The following DCST1 variants were observed in gnomAD, a reference collection of about 807,000 sequenced individuals.
DCST1 encodes E3 ubiquitin-protein ligase DCST1.
A neutral mutation model predicts 89.1 loss-of-function variants in DCST1; 78 were observed. The ratio of observed to expected loss-of-function variants is 0.88; its 90% CI spans 0.73 to 1.06. DCST1 has a LOEUF of 1.06. Ranked by LOEUF, DCST1 falls within the 50% of genes least tolerant of loss-of-function variation. DCST1 has a pLI of 0.00. For missense variants in DCST1, 900 were observed against 928.6 expected (o/e 0.97, Z 0.40); for synonymous variants, 364 against 371.9 (o/e 0.98, Z 0.24).
chr1:155,043,225 C>T, intron 9 of DCST1, 127 bp from the exon 10 acceptor site: 1 of 1,386,796 alleles, frequency 7.2e-7, no homozygotes, highest in South Asian at 1.3e-5. Flanking sequence ...GAAGTGACAA[C>T]TCCTAGAGGT....
chr1:155,043,423 C>G lies in DCST1; in HGVS notation c.1086C>G (p.Tyr362Ter). The change falls in exon 10 of 17, where the codon TAC becomes TAG. Residue 362 changes from tyrosine to a stop codon, truncating the protein, a stop_gained. Transcript: ENST00000295542. LOFTEE classifies it high-confidence loss of function. The part of the protein sequence containing the change: ...WERVSTEVRD[Y>*]VYRQEARLEW... ...GCGTGAGCACCGAGGTGCGGGACTACGTGTACCGCCAGGAGGCCCGGCTGG... is the reference window on the plus strand; with the variant it reads ...GCGTGAGCACCGAGGTGCGGGACTAGGTGTACCGCCAGGAGGCCCGGCTGG... 6.2e-7 allele frequency: 1 copy of G among 1,611,472 alleles called. No homozygotes were observed. Among genetic ancestry groups the G allele is most frequent in the Non-Finnish European group, 8.5e-7 (1 of 1,178,332 alleles).
intron 4 of DCST1, among the ~76,000 whole-genome samples, chr1:155,036,746 C>G (rs1465347122): frequency 6.6e-6 from 1 of 152,256 alleles, no homozygotes; most frequent in Non-Finnish European, 1.5e-5. Context: ...TGATTATTGT[C>G]CCCTTGGAGG....
chr1:155,037,484 C>A (rs371156030), intron 4 of DCST1, among the ~76,000 whole-genome samples: 1 of 150,654 alleles, frequency 6.6e-6, no homozygotes. Context: ...TGCTCTGTCC[C>A]CCAGGCTGGA....
rs1660687605 is a variant in DCST1, at chr1:155,047,397, C to CT, written c.1612+86dup. The CT allele has an allele frequency of 5.5e-6, 7 of 1,269,928 alleles. No individual in the cohort carries two copies. The African/African-American group carries it at 8.9e-5, about 16-fold the overall frequency. 78.7% of individuals were successfully genotyped at this position (1,269,928 alleles called of 1,614,324 possible). A position where few individuals can be genotyped will look rare whatever the true frequency, so the allele number is the denominator to read the frequency against. ...GACTCCAAGGTAAAGAGTTAGGGGCCTGGGCCTTGGGTGTGGAGAGATGGG... is the reference window on the plus strand; with the variant it reads ...GACTCCAAGGTAAAGAGTTAGGGGCCTTGGGCCTTGGGTGTGGAGAGATGGG... On this transcript the variant is annotated intron_variant, in intron 14 of 16. Transcript: ENST00000295542.
chr1:155,036,350 T>C (rs1458193028), intron 4 of DCST1, among the ~76,000 whole-genome samples: 1 of 152,230 alleles, frequency 6.6e-6, no homozygotes, highest in Non-Finnish European at 1.5e-5. Context: ...CTTAGATTTC[T>C]GGTTGTATTT....
intron 13 of DCST1, among the ~76,000 whole-genome samples, chr1:155,046,876 G>C (rs1199306248): frequency 3.9e-5 from 6 of 152,114 alleles, no homozygotes; most frequent in Non-Finnish European, 7.3e-5. Flanking sequence ...AAAGTGCTGG[G>C]ATTACAGGTG....
At chr1:155,039,346 G>C in intron 4 of DCST1, 57 bp from the exon 5 acceptor site, 1 of 1,463,864 alleles carries the variant, frequency 6.8e-7, no homozygotes, top group Non-Finnish European at 9.1e-7. Flanking sequence ...TGGTAAACGT[G>C]AGGAAGGGAG....
At chr1:155,040,218 G>A (rs963859747) in intron 5 of DCST1, among the ~76,000 whole-genome samples, 14 of 146,976 alleles carry the variant, frequency 9.5e-5, no homozygotes, top group Admixed American at 2.1e-4. Flanking sequence ...CAGGAGAATC[G>A]CTTGAGCCCG....
rs1240516179 is a variant in DCST1, at chr1:155,040,521, T to C, written c.428T>C (p.Val143Ala). ...VANLRHNLNN[V>A]IASLGCTVEL... ...AATCTGCGACACAATCTCAACAACGTGATCGCATCGCTGGGCTGCACCGTG... is the reference window on the plus strand; with the variant it reads ...AATCTGCGACACAATCTCAACAACGCGATCGCATCGCTGGGCTGCACCGTG... Residue 143 changes from valine (V) to alanine (A), a missense_variant, in exon 6 of 17, where the codon GTG (valine) becomes GCG (alanine). Coordinates refer to ENST00000295542, the MANE Select transcript of DCST1 (RefSeq NM_152494.4). 8.1e-6 allele frequency: 13 copies of C among 1,596,520 alleles called. No individual in the cohort carries two copies. The highest frequency in any genetic ancestry group is 1.1e-5 in the Non-Finnish European group (13 of 1,170,722).
intron 4 of DCST1, among the ~76,000 whole-genome samples, chr1:155,037,163 A>G (rs1422073848): frequency 6.6e-6 from 1 of 152,032 alleles, no homozygotes; most frequent in Admixed American, 6.5e-5. Flanking sequence ...AGGTCTACAG[A>G]GGCATTACAG....
In DCST1 at chr1:155,045,880, C is replaced by A. The variant is rs1242278229; in HGVS notation, c.1173-13C>A. 6.2e-7 allele frequency: 1 copy of A among 1,607,194 alleles called. No homozygotes were observed. Among genetic ancestry groups the A allele is most frequent in the Non-Finnish European group, 8.5e-7 (1 of 1,173,652 alleles). ...TGGAAGAGATGGAGACATCCCTGCCCATCCACCCACAGGTCTTTCTCCTAC... is the reference window on the plus strand; with the variant it reads ...TGGAAGAGATGGAGACATCCCTGCCAATCCACCCACAGGTCTTTCTCCTAC... On this transcript the variant is annotated splice_polypyrimidine_tract_variant and intron_variant, in intron 10 of 16. Transcript: ENST00000295542.
In DCST1 at chr1:155,050,678, G is replaced by A; in HGVS notation, c.1931G>A (p.Arg644Gln). The A allele has an allele frequency of 1.9e-6, 3 of 1,602,238 alleles. No homozygotes were observed. The highest frequency in any genetic ancestry group is 2.6e-6 in the Non-Finnish European group (3 of 1,176,188). The change falls in exon 17 of 17, where the codon CGG becomes CAG. Residue 644 changes from arginine to glutamine, a missense_variant. Coordinates refer to ENST00000295542, the MANE Select transcript of DCST1 (RefSeq NM_152494.4). ...CCGCTCCTGCGCCGCTGGCTGTGCC[G>A]GCGCTGCGTGGTGTGCCAGGCACCC... ...GCPLLRRWLC[R>Q]RCVVCQAPET...
Position 155,040,539 on chromosome 1 carries a change from G to T in DCST1, c.446G>T (p.Cys149Phe), listed in dbSNP as rs145386442. ...AACAACGTGATCGCATCGCTGGGCT[G>T]CACCGTGGAGCTGCAGATCAACAAC... ...NLNNVIASLG[C>F]TVELQINNTR... is the part of the protein sequence containing the mutation. The change falls in exon 6 of 17, where the codon TGC becomes TTC. Residue 149 changes from cysteine to phenylalanine, a missense_variant. Coordinates refer to ENST00000295542, the MANE Select transcript of DCST1 (RefSeq NM_152494.4). 1.9e-6 allele frequency: 3 copies of T among 1,592,804 alleles called. No individual in the cohort carries two copies. Among genetic ancestry groups the T allele is most frequent in the Non-Finnish European group, 2.6e-6 (3 of 1,168,760 alleles).
intron 10 of DCST1, among the ~76,000 whole-genome samples, chr1:155,044,388 A>G (rs1660539623): frequency 6.7e-6 from 1 of 148,848 alleles, no homozygotes; most frequent in South Asian, 2.2e-4. Context: ...AGGCTGAGGC[A>G]GGAGAATCAC....
intron 10 of DCST1, 83 bp from the exon 11 acceptor site, chr1:155,045,810 C>G (rs1558109871): frequency 8.4e-7 from 1 of 1,194,242 alleles, no homozygotes. Context: ...GGTTGAATGA[C>G]TGTGCCTCAA....
Position 155,040,624 on chromosome 1 carries a change from G to C in DCST1, c.531G>C (p.Leu177=). ...APLRAMFKDL[L]SSKELLRAET... ...TACGGGCCATGTTCAAGGACCTGCTGGTCAGGAATCTGCACAGGCAGAGCC... is the reference window on the plus strand; with the variant it reads ...TACGGGCCATGTTCAAGGACCTGCTCGTCAGGAATCTGCACAGGCAGAGCC... Residue 177 remains leucine (L), a splice_region_variant and synonymous_variant, in exon 6 of 17, where the codon CTG becomes CTC. Coordinates refer to ENST00000295542, the MANE Select transcript of DCST1 (RefSeq NM_152494.4). The C allele has an allele frequency of 1.3e-6, 2 of 1,571,314 alleles. No homozygotes were observed. Among genetic ancestry groups the C allele is most frequent in the Non-Finnish European group, 1.7e-6 (2 of 1,157,338 alleles).
At position 155,042,698 on chromosome 1, in the gene DCST1, C is replaced by T. The variant is rs545975742; in HGVS notation, c.893-37C>T. The T allele has an allele frequency of 3.8e-5, 61 of 1,613,082 alleles. No individual in the cohort carries two copies. The East Asian group carries it at 1.3e-3, about 34-fold the overall frequency. ...GCCAGGCCTGCACCTGGAGGACAGGCCCGGGGAGGCCCCTGACCCCGTCCA... is the reference window on the plus strand; with the variant it reads ...GCCAGGCCTGCACCTGGAGGACAGGTCCGGGGAGGCCCCTGACCCCGTCCA... On this transcript the variant is annotated intron_variant, in intron 8 of 16. Transcript: ENST00000295542.
At chr1:155,042,885 G>C (rs899082373) in intron 9 of DCST1, 29 bp downstream of exon 9, 1 of 1,613,104 alleles carries the variant, frequency 6.2e-7, no homozygotes, top group South Asian at 1.1e-5. Flanking sequence ...GGTTGGTGGG[G>C]GGTAGATAGG....
intron 14 of DCST1, 120 bp downstream of exon 14, chr1:155,047,432 G>A (rs550773954): frequency 2.0e-5 from 18 of 886,726 alleles, no homozygotes; most frequent in African/African-American, 8.4e-5. Flanking sequence ...GGGTTGGAGC[G>A]CTTGAGCTGG....
Sources: gnomAD v4.1 joint callset for allele counts (sites outside exome capture counted in the v4.1 genomes callset) on GRCh38, gnomAD v4.1.1 for gene constraint, MANE v1.5 for transcripts, NCBI Gene and HGNC (gene_info 2026-07-23, HGNC 2026-07-21) for gene names.